The following NOL4 variants were observed in gnomAD, a reference collection of about 807,000 sequenced individuals.
NOL4 encodes the protein cancer/testis antigen 125.
A neutral mutation model predicts 75.9 loss-of-function variants in NOL4; 17 were observed. That is an observed-to-expected ratio of 0.22 (90% CI 0.15 to 0.34). The LOEUF (loss-of-function observed/expected upper bound fraction) is 0.34, where lower values mean the gene tolerates loss of function less well. NOL4 is among the 10% of genes least tolerant of loss of function. The pLI is 1.00. For missense variants in NOL4, 614 were observed against 793.5 expected (o/e 0.77, Z 2.72); for synonymous variants, 292 against 289.9 (o/e 1.01, Z -0.07).
At chr18:34,221,382 T>C (rs2037289230) in intron 1 of NOL4, 1 of 152,196 alleles carries the variant, frequency 6.6e-6, no homozygotes, top group Non-Finnish European at 1.5e-5. Context: ...TTCTTGATAT[T>C]ATTCCCAATA....
chr18:33,859,062 G>T (rs1349735844), intron 10 of NOL4, among the ~76,000 whole-genome samples: 3 of 151,824 alleles, frequency 2.0e-5, no homozygotes, highest in Non-Finnish European at 4.4e-5. Flanking sequence ...TTTCAAGAAT[G>T]CTGCTTTTGC....
intron 1 of NOL4, among the ~76,000 whole-genome samples, chr18:34,161,377 A>G (rs1209505528): frequency 1.3e-5 from 2 of 152,128 alleles, no homozygotes; most frequent in Non-Finnish European, 2.9e-5. Flanking sequence ...GAGCCTCCAC[A>G]CTATTTTCCA....
At chr18:33,883,035 A>G (rs1282377445) in intron 10 of NOL4, among the ~76,000 whole-genome samples, 2 of 152,044 alleles carry the variant, frequency 1.3e-5, no homozygotes, top group African/African-American at 4.8e-5. Flanking sequence ...GAAGGGGAAT[A>G]TCACACTCTG....
At chr18:33,889,959 C>A (rs1384780130) in intron 9 of NOL4, among the ~76,000 whole-genome samples, 1 of 152,112 alleles carries the variant, frequency 6.6e-6, no homozygotes, top group Non-Finnish European at 1.5e-5. Flanking sequence ...TGAAAGCATT[C>A]CCTTTGAAAA....
intron 6 of NOL4, among the ~76,000 whole-genome samples, chr18:33,987,800 A>G (rs1191010020): frequency 6.6e-6 from 1 of 152,032 alleles, no homozygotes; most frequent in East Asian, 1.9e-4. Flanking sequence ...ACCTAGAAGG[A>G]AGGGCATAGC....
At chr18:33,994,049 G>A (rs1202887247) in intron 6 of NOL4, among the ~76,000 whole-genome samples, 1 of 151,668 alleles carries the variant, frequency 6.6e-6, no homozygotes, top group Non-Finnish European at 1.5e-5. Context: ...ACTGCTACTA[G>A]AGATAAAACG....
intron 5 of NOL4, among the ~76,000 whole-genome samples, chr18:34,035,889 T>G (rs1270418834): frequency 2.6e-5 from 4 of 151,994 alleles, no homozygotes; most frequent in Non-Finnish European, 4.4e-5. Flanking sequence ...AAATGGATAA[T>G]TTTCTGGAAA....
intron 4 of NOL4, among the ~76,000 whole-genome samples, chr18:34,102,218 T>C (rs1456697806): frequency 6.6e-6 from 1 of 152,110 alleles, no homozygotes; most frequent in Admixed American, 6.6e-5. Flanking sequence ...CATTATTTTC[T>C]TTATTATATG....
intron 5 of NOL4, among the ~76,000 whole-genome samples, chr18:34,062,024 A>C (rs1480582998): frequency 6.6e-6 from 1 of 152,058 alleles, no homozygotes; most frequent in African/African-American, 2.4e-5. Context: ...GATAGGAAAA[A>C]ATATATAGCA....
chr18:33,945,950 C>G (rs886509707), intron 8 of NOL4, among the ~76,000 whole-genome samples: 1 of 151,680 alleles, frequency 6.6e-6, no homozygotes, highest in Non-Finnish European at 1.5e-5. Context: ...TTTCGTGTCT[C>G]CCAATTTTCA....
At chr18:34,162,677 T>C (rs1462926684) in intron 1 of NOL4, among the ~76,000 whole-genome samples, 3 of 152,202 alleles carry the variant, frequency 2.0e-5, no homozygotes, top group African/African-American at 7.2e-5. Context: ...GAGGAACTGG[T>C]ACTATTCCTT....
chr18:34,154,923 T>C (rs1395814535), intron 1 of NOL4, among the ~76,000 whole-genome samples: 1 of 152,004 alleles, frequency 6.6e-6, no homozygotes, highest in African/African-American at 2.4e-5. Flanking sequence ...TTACATTTAT[T>C]AGTTATTTAG....
intron 6 of NOL4, 85 bp downstream of exon 6, chr18:34,019,233 T>C: frequency 2.7e-6 from 3 of 1,095,534 alleles, no homozygotes; most frequent in Non-Finnish European, 4.0e-6. Flanking sequence ...TTATTAACAA[T>C]AATGTTTATC....
chr18:33,903,590 A>G (rs920961636), intron 9 of NOL4, among the ~76,000 whole-genome samples: 11 of 152,164 alleles, frequency 7.2e-5, no homozygotes, highest in Non-Finnish European at 1.3e-4. Context: ...ATGACAATCA[A>G]AGTAAACTGC....
At chr18:34,096,335 G>A (rs1192703609) in intron 4 of NOL4, among the ~76,000 whole-genome samples, 1 of 151,908 alleles carries the variant, frequency 6.6e-6, no homozygotes, top group Non-Finnish European at 1.5e-5. Flanking sequence ...GAATTCAATT[G>A]TTATACTTTT....
intron 10 of NOL4, among the ~76,000 whole-genome samples, chr18:33,878,732 A>G (rs1410376231): frequency 6.6e-6 from 1 of 152,098 alleles, no homozygotes; most frequent in Non-Finnish European, 1.5e-5. Context: ...AAAAGGAGAT[A>G]TATTTTGTGT....
chr18:34,010,617 G>A (rs2074317519), intron 6 of NOL4, among the ~76,000 whole-genome samples: 1 of 151,770 alleles, frequency 6.6e-6, no homozygotes, highest in South Asian at 2.1e-4. Flanking sequence ...TTAGATTTTT[G>A]AGCAATGTCC....
intron 1 of NOL4, among the ~76,000 whole-genome samples, chr18:34,181,988 A>T (rs1162647949): frequency 6.6e-6 from 1 of 151,664 alleles, no homozygotes; most frequent in African/African-American, 2.4e-5. Context: ...CTACCTTGAA[A>T]AGAGTCTGGC....
intron 1 of NOL4, among the ~76,000 whole-genome samples, chr18:34,188,002 T>C (rs2034624120): frequency 6.6e-6 from 1 of 152,174 alleles, no homozygotes; most frequent in African/African-American, 2.4e-5. Flanking sequence ...TGCTTTGGAT[T>C]TTCACCATTC....
Sources: gnomAD v4.1 joint callset for allele counts (sites outside exome capture counted in the v4.1 genomes callset) on GRCh38, gnomAD v4.1.1 for gene constraint, MANE v1.5 for transcripts, NCBI Gene and HGNC (gene_info 2026-07-23, HGNC 2026-07-21) for gene names.